The following GAB1 variants were observed in gnomAD, a reference collection of about 807,000 sequenced individuals.
GAB1 encodes the protein GRB2 associated binding protein 1.
Under a neutral mutation model 66.5 loss-of-function variants are expected in GAB1, and 19 were observed. The ratio of observed to expected loss-of-function variants is 0.29; its 90% confidence interval spans 0.20 to 0.42. The LOEUF is 0.42. GAB1 is among the 10% of genes least tolerant of loss of function. The pLI is 1.00. For synonymous variants in GAB1, 294 were observed against 301.4 expected (o/e 0.98, Z 0.25); for missense variants, 732 against 858.5 (o/e 0.85, Z 1.84).
At chr4:143,379,537 A>G (rs961309637) in intron 1 of GAB1, among the ~76,000 whole-genome samples, 1 of 152,146 alleles carries the variant, frequency 6.6e-6, no homozygotes, top group African/African-American at 2.4e-5. Flanking sequence ...GTAGCCTACT[A>G]TATCAGCCAC....
chr4:143,445,661 T>C (rs1734470159), intron 6 of GAB1, among the ~76,000 whole-genome samples: 1 of 152,168 alleles, frequency 6.6e-6, no homozygotes, highest in South Asian at 2.1e-4. Flanking sequence ...ATGCCTAGTT[T>C]CTTGAGGGTT....
intron 8 of GAB1, among the ~76,000 whole-genome samples, chr4:143,462,467 A>G (rs1735545164): frequency 6.6e-6 from 1 of 152,154 alleles, no homozygotes; most frequent in South Asian, 2.1e-4. Context: ...GTCCCATATA[A>G]TAGGAAAGTT....
Position 143,438,574 on chromosome 4 carries a change from C to G in GAB1, c.1169C>G (p.Thr390Ser). The G allele has an allele frequency of 6.2e-7, 1 of 1,613,698 alleles. No homozygotes were observed. Among genetic ancestry groups the G allele is most frequent in the Non-Finnish European group, 8.5e-7 (1 of 1,179,752 alleles). Residue 390 changes from threonine to serine, a missense_variant, in exon 4 of 10, where the codon ACT becomes AGT. By Grantham distance (58) the Thr-to-Ser change is moderately conservative. Transcript: ENST00000262994. ...MSPSRSNTIS[T>S]VDLNKLRKDA... ...CCTTCACGTAGTAATACCATTTCCA[C>G]TGTGGATTTAAACAAATTGCGAAAA...
intron 1 of GAB1, among the ~76,000 whole-genome samples, chr4:143,386,480 T>G (rs1243465767): frequency 3.9e-5 from 6 of 152,146 alleles, no homozygotes; most frequent in Non-Finnish European, 7.4e-5. Flanking sequence ...TTTGACCTCT[T>G]GGGCACAAGT....
intron 6 of GAB1, among the ~76,000 whole-genome samples, chr4:143,448,994 T>C (rs1294531035): frequency 6.6e-6 from 1 of 152,202 alleles, no homozygotes; most frequent in Non-Finnish European, 1.5e-5. Flanking sequence ...GCTGTGTCTT[T>C]GTTCTCATTG....
intron 8 of GAB1, among the ~76,000 whole-genome samples, chr4:143,461,632 A>T (rs375441468): frequency 6.6e-6 from 1 of 152,212 alleles, no homozygotes. Flanking sequence ...ATAGACTTAG[A>T]TCCGAGGAAC....
At chr4:143,398,959 A>T (rs976635472) in intron 1 of GAB1, among the ~76,000 whole-genome samples, 2 of 152,120 alleles carry the variant, frequency 1.3e-5, no homozygotes, top group Admixed American at 1.3e-4. Flanking sequence ...GACAAAACCC[A>T]TACCCTTTCT....
Position 143,470,437 on chromosome 4 carries a change from T to C in GAB1, c.*1248T>C, listed in dbSNP as rs1300062142. Reference sequence around the variant, plus strand: ...AAGAAATATTGGAGCCTTGCTACAATGTGAAATGTTATAGTCATGGACTCC... The same window carrying C: ...AAGAAATATTGGAGCCTTGCTACAACGTGAAATGTTATAGTCATGGACTCC... On this transcript the variant is annotated 3_prime_UTR_variant, in exon 10 of 10. Transcript: ENST00000262994. 6.6e-6 allele frequency: 1 copy of C among 152,186 alleles called. No homozygotes were observed. Among genetic ancestry groups the C allele is most frequent in the Non-Finnish European group, 1.5e-5 (1 of 68,026 alleles). The allele number at this position is 152,186 out of a possible 1,614,324, so 9.4% of individuals were successfully genotyped here. A position where few individuals can be genotyped will look rare whatever the true frequency, so the allele number is the denominator to read the frequency against.
Position 143,433,667 on chromosome 4 carries a change from G to A in GAB1, c.544G>A (p.Asp182Asn). 1.9e-6 allele frequency: 3 copies of A among 1,613,992 alleles called. No individual in the cohort carries two copies. Among genetic ancestry groups the A allele is most frequent in the Non-Finnish European group, 2.5e-6 (3 of 1,179,924 alleles). ...ETLGIQEDPQ[D>N]YLLLINCQSK... ...TCTTGGCATTCAGGAGGATCCTCAA[G>A]ACTACCTGTTGCTCATCAACTGTCA... The change falls in exon 3 of 10, where the codon GAC (aspartate) becomes AAC (asparagine). Residue 182 changes from aspartate to asparagine, a missense_variant. Physicochemically the swap from Asp to Asn is conservative, Grantham distance 23. Transcript: ENST00000262994.
chr4:143,349,894 A>G, intron 1 of GAB1: 2 of 1,553,922 alleles, frequency 1.3e-6, no homozygotes, highest in Non-Finnish European at 1.7e-6. Flanking sequence ...TGATTCCTTA[A>G]TGGGCAGAGA....
At chr4:143,454,766 A>G (rs867551629) in intron 6 of GAB1, among the ~76,000 whole-genome samples, 2 of 152,170 alleles carry the variant, frequency 1.3e-5, no homozygotes, top group Non-Finnish European at 2.9e-5. Context: ...CCCAATTTGT[A>G]TAATCAACTT....
chr4:143,437,570 G>T (rs1402179109), intron 3 of GAB1, among the ~76,000 whole-genome samples: 1 of 152,154 alleles, frequency 6.6e-6, no homozygotes, highest in African/African-American at 2.4e-5. Context: ...TTGCCGTGGG[G>T]AGGTTTAAGA....
intron 2 of GAB1, among the ~76,000 whole-genome samples, chr4:143,430,209 CAA>C (rs992288254): frequency 9.2e-5 from 14 of 152,054 alleles, no homozygotes; most frequent in African/African-American, 3.4e-4. Context: ...AGGATCAAAA[CAA>C]GACAATTGTC....
chr4:143,362,889 A>G (rs1729720981), intron 1 of GAB1, among the ~76,000 whole-genome samples: 1 of 152,142 alleles, frequency 6.6e-6, no homozygotes, highest in African/African-American at 2.4e-5. Flanking sequence ...CCCATTCAAG[A>G]TGGAGTCACT....
At chr4:143,366,645 G>A (rs1301568280) in intron 1 of GAB1, among the ~76,000 whole-genome samples, 1 of 151,760 alleles carries the variant, frequency 6.6e-6, no homozygotes, top group African/African-American at 2.4e-5. Context: ...ACATACATAC[G>A]CAGGCACACT....
At chr4:143,367,540 A>G (rs549384285) in intron 1 of GAB1, among the ~76,000 whole-genome samples, 79 of 140,130 alleles carry the variant, frequency 5.6e-4, no homozygotes, top group Non-Finnish European at 9.2e-4. Context: ...GGATATGGTC[A>G]GTAAATGTTT....
At chr4:143,429,490 A>T (rs1026220304) in intron 2 of GAB1, among the ~76,000 whole-genome samples, 1 of 152,208 alleles carries the variant, frequency 6.6e-6, no homozygotes, top group African/African-American at 2.4e-5. Flanking sequence ...AAGTCCATCC[A>T]TGAGTTTGTA....
At chr4:143,390,810 A>G (rs71610441) in intron 1 of GAB1, among the ~76,000 whole-genome samples, 10 of 152,142 alleles carry the variant, frequency 6.6e-5, no homozygotes, top group Non-Finnish European at 1.0e-4. Context: ...GATTTCTTCC[A>G]TCTTGTTGCT....
chr4:143,454,704 T>G (rs1370081625), intron 6 of GAB1, among the ~76,000 whole-genome samples: 1 of 152,138 alleles, frequency 6.6e-6, no homozygotes, highest in Non-Finnish European at 1.5e-5. Context: ...GTGCGGTGAG[T>G]GCTTTTTCCC....
Sources: gnomAD v4.1 joint callset for allele counts (sites outside exome capture counted in the v4.1 genomes callset) on GRCh38, gnomAD v4.1.1 for gene constraint, MANE v1.5 for transcripts, NCBI Gene and HGNC (gene_info 2026-07-23, HGNC 2026-07-21) for gene names.